The following PIP5K1B variants were observed in gnomAD, a reference collection of about 807,000 sequenced individuals.
PIP5K1B encodes phosphatidylinositol-4-phosphate 5-kinase type 1 beta.
PIP5K1B carries 42 observed loss-of-function variants against 67.0 expected under a neutral mutation model. The ratio of observed to expected loss-of-function variants is 0.63; its 90% CI spans 0.49 to 0.81. The LOEUF is 0.81. PIP5K1B is among the 30% of genes least tolerant of loss of function. The probability of loss-of-function intolerance (pLI) is 0.00; values close to 1 mark genes in which losing one functional copy is unlikely to be tolerated. For missense variants in PIP5K1B, 459 were observed against 646.3 expected, an observed-to-expected ratio of 0.71 and a Z score of 3.14; for synonymous variants, 214 against 231.4, an observed-to-expected ratio of 0.92 and a Z score of 0.68.
chr9:68,738,085 T>C (rs927035591), intron 1 of PIP5K1B, among the ~76,000 whole-genome samples: 1 of 151,954 alleles, frequency 6.6e-6, no homozygotes, highest in East Asian at 1.9e-4. Context: ...TAGTGGCAGG[T>C]ATTTAGGGTT....
intron 2 of PIP5K1B, among the ~76,000 whole-genome samples, chr9:68,774,062 G>A (rs540398820): frequency 3.3e-5 from 5 of 151,900 alleles, no homozygotes; most frequent in African/African-American, 7.3e-5. Context: ...CAACAGAGCC[G>A]ACTTTGCTTG....
intron 2 of PIP5K1B, among the ~76,000 whole-genome samples, chr9:68,799,808 TCA>T (rs1832499580): frequency 6.6e-6 from 1 of 152,164 alleles, no homozygotes; most frequent in Non-Finnish European, 1.5e-5. Context: ...GGGAAAGGCT[TCA>T]TGACATTGGT....
chr9:68,880,481 G>C (rs545641174), intron 6 of PIP5K1B, among the ~76,000 whole-genome samples: 5 of 151,828 alleles, frequency 3.3e-5, no homozygotes, highest in Admixed American at 2.6e-4. Flanking sequence ...CTTGTACCCC[G>C]GAGGCAAAGG....
In PIP5K1B at chr9:68,804,073, T is replaced by C. The variant is rs183049985; in HGVS notation, c.-85-14388T>C. Among the ~76,000 whole-genome samples the C allele has an allele frequency of 2.0e-3, 302 of 152,200 alleles. 2 individuals are homozygous for C. Among genetic ancestry groups the C allele is most frequent in the African/African-American group, 6.7e-3 (278 of 41,514 alleles). On this transcript the variant is annotated intron_variant, in intron 2 of 15. Transcript: ENST00000265382. ...GCGTGTGGAGGGGTGGGGGTGAAGA[T>C]GGAGAATGGACAACAGTCTTTTGAG...
At chr9:68,831,859 T>A (rs1004058672) in intron 4 of PIP5K1B, among the ~76,000 whole-genome samples, 2 of 152,086 alleles carry the variant, frequency 1.3e-5, no homozygotes, top group African/African-American at 4.8e-5. Context: ...TTATTTTTAG[T>A]AGAGACAGAG....
At chr9:68,793,546 A>G (rs924304460) in intron 2 of PIP5K1B, among the ~76,000 whole-genome samples, 4 of 152,200 alleles carry the variant, frequency 2.6e-5, no homozygotes, top group African/African-American at 9.7e-5. Flanking sequence ...GGCATAAGAG[A>G]GAAGTTAAGC....
intron 8 of PIP5K1B, among the ~76,000 whole-genome samples, chr9:68,904,668 C>G (rs1171581029): frequency 6.6e-6 from 1 of 151,746 alleles, no homozygotes; most frequent in Admixed American, 6.6e-5. Flanking sequence ...AGATTAGGGA[C>G]TCAATGTGTG....
chr9:68,914,276 C>T (rs1167994232), intron 8 of PIP5K1B, among the ~76,000 whole-genome samples: 1 of 152,184 alleles, frequency 6.6e-6, no homozygotes, highest in Non-Finnish European at 1.5e-5. Flanking sequence ...AGCTTGACCA[C>T]TCCTAACTTG....
chr9:68,919,722 A>G lies in PIP5K1B; in HGVS notation c.1109A>G (p.Tyr370Cys). 6.5e-7 allele frequency: 1 copy of G among 1,541,040 alleles called. No homozygotes were observed. The highest frequency in any genetic ancestry group is 9.0e-7 in the Non-Finnish European group (1 of 1,115,030). ...KLEHSWKALV[Y>C]DGDTVSVHRP... Reference sequence around the variant, plus strand: ...GAACATTCCTGGAAAGCTCTTGTTTATGATGGGGTAAGTGACTTATTTTCC... The same window carrying G: ...GAACATTCCTGGAAAGCTCTTGTTTGTGATGGGGTAAGTGACTTATTTTCC... Residue 370 changes from tyrosine to cysteine, a missense_variant, in exon 11 of 16, where the codon TAT (tyrosine) becomes TGT (cysteine). This residue lies in a region of PIP5K1B where 290 missense variants were observed against 474.4 expected (regional missense o/e 0.61). Transcript: ENST00000265382.
chr9:68,745,375 A>G (rs570753992), intron 2 of PIP5K1B, among the ~76,000 whole-genome samples: 2 of 152,358 alleles, frequency 1.3e-5, no homozygotes, highest in South Asian at 2.1e-4. Context: ...GTTTAAGACC[A>G]GTGAAAAAGG....
chr9:68,750,005 A>C (rs959149617), intron 2 of PIP5K1B, among the ~76,000 whole-genome samples: 1 of 152,252 alleles, frequency 6.6e-6, no homozygotes. Context: ...TATCTATAAA[A>C]TAATAACAGT....
chr9:68,715,240 G>A (rs540189159), intron 1 of PIP5K1B, among the ~76,000 whole-genome samples: 1 of 152,328 alleles, frequency 6.6e-6, no homozygotes. Context: ...GGGGCTGGGG[G>A]TGCTGGACAG....
chr9:68,946,049 T>C (rs1827788794), intron 14 of PIP5K1B, among the ~76,000 whole-genome samples: 1 of 152,228 alleles, frequency 6.6e-6, no homozygotes, highest in South Asian at 2.1e-4. Context: ...CCAGGTGGAC[T>C]CCAAATCACT....
chr9:68,945,405 C>T (rs1827754442), intron 14 of PIP5K1B, among the ~76,000 whole-genome samples: 5 of 152,196 alleles, frequency 3.3e-5, no homozygotes, highest in Admixed American at 3.3e-4. Flanking sequence ...CTCAGCCTCC[C>T]AAAGTGCAGG....
intron 2 of PIP5K1B, among the ~76,000 whole-genome samples, chr9:68,754,820 C>T (rs1796150977): frequency 6.6e-6 from 1 of 152,146 alleles, no homozygotes; most frequent in African/African-American, 2.4e-5. Context: ...AAGAGAATGT[C>T]ACTAGAGTTT....
rs148844396 is a variant in PIP5K1B, at chr9:68,934,997, C to T, written c.1309C>T (p.Arg437Trp). The T allele has an allele frequency of 1.8e-4, 290 of 1,613,458 alleles. No homozygotes were observed. Among genetic ancestry groups the T allele is most frequent in the Non-Finnish European group, 2.2e-4 (264 of 1,179,728 alleles). Residue 437 changes from arginine (R) to tryptophan (W), a missense_variant, in exon 13 of 16, where the codon CGG (arginine) becomes TGG (tryptophan). Physicochemically the swap from Arg to Trp is moderately radical, Grantham distance 101. Transcript: ENST00000265382. Reference sequence around the variant, plus strand: ...TAGCCAGGAATGGAAGGATGAGAAGCGGGATTTGCTGACTGAAGGACAAAG... The same window carrying T: ...TAGCCAGGAATGGAAGGATGAGAAGTGGGATTTGCTGACTGAAGGACAAAG... ...SISQEWKDEK[R>W]DLLTEGQSFS...
intron 14 of PIP5K1B, among the ~76,000 whole-genome samples, chr9:68,973,246 A>C (rs1251109687): frequency 2.0e-5 from 3 of 152,232 alleles, no homozygotes; most frequent in Non-Finnish European, 4.4e-5. Context: ...CTCCATCTCA[A>C]AATAATAAAA....
At chr9:68,836,893 CAG>C (rs1255467696) in intron 4 of PIP5K1B, among the ~76,000 whole-genome samples, 1 of 152,224 alleles carries the variant, frequency 6.6e-6, no homozygotes, top group Non-Finnish European at 1.5e-5. Context: ...GTATACAAAG[CAG>C]AGTCTGGTCA....
chr9:68,830,630 C>T (rs953031707), intron 4 of PIP5K1B, among the ~76,000 whole-genome samples: 7 of 152,152 alleles, frequency 4.6e-5, no homozygotes, highest in African/African-American at 1.4e-4. Context: ...GTCTCTAAAA[C>T]GCGAACTATA....
Sources: gnomAD v4.1 joint callset for allele counts (sites outside exome capture counted in the v4.1 genomes callset) on GRCh38, gnomAD v4.1.1 for gene constraint, gnomAD v4.1.1 regional missense constraint, MANE v1.5 for transcripts, NCBI Gene and HGNC (gene_info 2026-07-23, HGNC 2026-07-21) for gene names.